KPNA5: variants seen among roughly 807,000 people sequenced by gnomAD.
KPNA5 encodes importin subunit alpha-6.
In KPNA5, 46 loss-of-function variants were observed where a neutral mutation model predicts 71.3. The ratio of observed to expected loss-of-function variants is 0.65; its 90% CI spans 0.51 to 0.83. KPNA5 has a LOEUF of 0.83. Among genes scored for constraint, KPNA5 ranks in the 40% least tolerant of loss-of-function variants. The pLI, the probability that KPNA5 is intolerant of heterozygous loss-of-function variation, is 0.00. For synonymous variants in KPNA5, 207 were observed against 201.4 expected (o/e 1.03, Z -0.24); for missense variants, 547 against 628.3 (o/e 0.87, Z 1.38).
chr6:116,683,370 G>C (rs747009735), intron 1 of KPNA5, among the ~76,000 whole-genome samples: 3 of 152,096 alleles, frequency 2.0e-5, no homozygotes, highest in Non-Finnish European at 4.4e-5. Context: ...AATACTTTAA[G>C]AGTTTTATTT....
At chr6:116,699,601 T>G (rs547203673) in intron 5 of KPNA5, among the ~76,000 whole-genome samples, 13 of 152,302 alleles carry the variant, frequency 8.5e-5, no homozygotes, top group Non-Finnish European at 1.6e-4. Flanking sequence ...AGGAATGTAT[T>G]GCATGTGTGA....
At chr6:116,710,791 A>G (rs1778631603) in intron 7 of KPNA5, among the ~76,000 whole-genome samples, 1 of 148,312 alleles carries the variant, frequency 6.7e-6, no homozygotes, top group South Asian at 2.1e-4. Context: ...GCTTTTGATG[A>G]TAATATTCTC....
intron 7 of KPNA5, among the ~76,000 whole-genome samples, chr6:116,708,233 A>G (rs1266735914): frequency 6.6e-6 from 1 of 152,206 alleles, no homozygotes; most frequent in Non-Finnish European, 1.5e-5. Context: ...GTTTTGTCTC[A>G]GTACTGGTTT....
rs776342305 is a variant in KPNA5 at position 116,689,398 on chromosome 6, G to A, written c.83G>A (p.Arg28His). 13 of 1,609,208 alleles carry A rather than the reference G, an allele frequency of 8.1e-6. No homozygotes were observed. The highest frequency in any genetic ancestry group is 3.4e-5 in the Admixed American group (2 of 59,110). The change falls in exon 2 of 14, where the codon CGT becomes CAT. Residue 28 changes from arginine to histidine, a missense_variant. Coordinates refer to ENST00000368564, the MANE Select transcript of KPNA5 (RefSeq NM_001366306.2). The part of the protein sequence containing the change: ...KNKALNPQEM[R>H]RRREEEGIQL... ...AAAGCCCTAAATCCTCAAGAGATGCGTAGACGAAGAGAAGAAGAAGGAATA... is the reference window on the plus strand; with the variant it reads ...AAAGCCCTAAATCCTCAAGAGATGCATAGACGAAGAGAAGAAGAAGGAATA...
chr6:116,689,397 C>T lies in KPNA5; in HGVS notation c.82C>T (p.Arg28Cys), dbSNP rs377032370. 13 of 1,607,834 alleles carry T rather than the reference C, an allele frequency of 8.1e-6. No individual in the cohort carries two copies. The highest frequency in any genetic ancestry group is 2.7e-5 in the African/African-American group (2 of 74,444). Reference sequence around the variant, plus strand: ...TAAAGCCCTAAATCCTCAAGAGATGCGTAGACGAAGAGAAGAAGAAGGAAT... The same window carrying T: ...TAAAGCCCTAAATCCTCAAGAGATGTGTAGACGAAGAGAAGAAGAAGGAAT... ...KNKALNPQEM[R>C]RRREEEGIQL... The change falls in exon 2 of 14, where the codon CGT becomes TGT. Residue 28 changes from arginine to cysteine, a missense_variant. Transcript: ENST00000368564.
chr6:116,682,658 A>G (rs944714827), intron 1 of KPNA5, among the ~76,000 whole-genome samples: 12 of 152,262 alleles, frequency 7.9e-5, no homozygotes, highest in Non-Finnish European at 1.0e-4. Context: ...AAAGAAAATC[A>G]TAAGTTCAGA....
intron 12 of KPNA5, among the ~76,000 whole-genome samples, chr6:116,729,292 G>A (rs1779400054): frequency 6.6e-6 from 1 of 150,736 alleles, no homozygotes; most frequent in African/African-American, 2.4e-5. Context: ...ACAGGCCGAA[G>A]TACCAGTTTG....
At chr6:116,685,475 C>T (rs1452403198) in intron 1 of KPNA5, among the ~76,000 whole-genome samples, 2 of 152,128 alleles carry the variant, frequency 1.3e-5, no homozygotes, top group South Asian at 4.1e-4. Flanking sequence ...GTCTGTTGTT[C>T]CCTTCTTTGT....
chr6:116,731,902 T>C (rs2114509956), intron 13 of KPNA5, among the ~76,000 whole-genome samples: 1 of 151,706 alleles, frequency 6.6e-6, no homozygotes, highest in Non-Finnish European at 1.5e-5. Flanking sequence ...CCTATGGTCC[T>C]TCTTCGTATG....
chr6:116,725,864 A>G lies in KPNA5; in HGVS notation c.1113A>G (p.Arg371=). 1 of 1,613,048 alleles carries G rather than the reference A, an allele frequency of 6.2e-7. No individual in the cohort carries two copies. Among genetic ancestry groups the G allele is most frequent in the Non-Finnish European group, 8.5e-7 (1 of 1,179,440 alleles). ...WTVSNITAGN[R]AQIQAVIDAN... ...TTTCTAACATCACTGCTGGAAATAG[A>G]GCTCAGATTCAGGTAACTACCCTTC... The change falls in exon 11 of 14, where the codon AGA becomes AGG. Residue 371 remains arginine, a synonymous_variant. Transcript: ENST00000368564.
At chr6:116,689,807 A>C (rs950699441) in intron 2 of KPNA5, among the ~76,000 whole-genome samples, 1 of 152,202 alleles carries the variant, frequency 6.6e-6, no homozygotes, top group African/African-American at 2.4e-5. Flanking sequence ...TAGTTTTCAT[A>C]ATTCTTGCCC....
At chr6:116,681,584 G>T in intron 1 of KPNA5, 1 of 1,218,580 alleles carries the variant, frequency 8.2e-7, no homozygotes, top group Non-Finnish European at 1.0e-6. Flanking sequence ...AGGTCCTCTG[G>T]AGTGATGGGC....
rs1406055112 is a variant in KPNA5 at position 116,738,026 on chromosome 6, A to G, written c.*5703A>G. On this transcript the variant is annotated 3_prime_UTR_variant, in exon 14 of 14. Transcript: ENST00000368564. ...TGAAGTACCATTTCAGCTGCATTCC[A>G]CAAGTTATTCAGCTCTAAGTATTTT... is the stretch of plus-strand genomic sequence containing the variant. 1 of 152,000 alleles carries G rather than the reference A, an allele frequency of 6.6e-6. No individual in the cohort carries two copies. The highest frequency in any genetic ancestry group is 2.4e-5 in the African/African-American group (1 of 41,416). 9.4% of individuals were successfully genotyped at this position (152,000 alleles called of 1,614,324 possible).
At chr6:116,712,502 G>A (rs1244416284) in intron 7 of KPNA5, among the ~76,000 whole-genome samples, 2 of 152,118 alleles carry the variant, frequency 1.3e-5, no homozygotes, top group Non-Finnish European at 2.9e-5. Context: ...AGACAGCATC[G>A]TAGACTTATG....
Position 116,722,106 on chromosome 6 carries a change from T to C in KPNA5, c.757-20T>C, listed in dbSNP as rs754320742. ...TTTAAATAGAGAAAAAATTTAAATA[T>C]GCTCTTTCTTCCCTTACAGGTTTCA... On this transcript the variant is annotated intron_variant, in intron 8 of 13. Coordinates refer to ENST00000368564, the MANE Select transcript of KPNA5 (RefSeq NM_001366306.2). 8 of 1,465,882 alleles carry C rather than the reference T, an allele frequency of 5.5e-6. No homozygotes were observed. In the African/African-American group the frequency reaches 5.7e-5, roughly 10 times the overall value. The allele number at this position is 1,465,882 out of a possible 1,614,324, so 90.8% of individuals were successfully genotyped here.
intron 12 of KPNA5, among the ~76,000 whole-genome samples, chr6:116,727,906 A>ATC (rs1485707781): frequency 6.6e-6 from 1 of 152,108 alleles, no homozygotes; most frequent in Admixed American, 6.6e-5. Context: ...ACTTCTTAGA[A>ATC]AATATTTTCT....
At chr6:116,722,347 C>A in intron 9 of KPNA5, 58 bp downstream of exon 9, 2 of 1,296,838 alleles carry the variant, frequency 1.5e-6, no homozygotes, top group South Asian at 1.6e-5. Context: ...ATTAGCAATT[C>A]AAGTAATAGC....
chr6:116,681,315 C>A lies in KPNA5; in HGVS notation c.-20C>A, dbSNP rs753745994. 12 of 1,609,434 alleles carry A rather than the reference C, an allele frequency of 7.5e-6. No homozygotes were observed. In the East Asian group the frequency reaches 2.7e-4, roughly 36 times the overall value. ...GCCGCTGGGGACTGGGAAATCAGGG[C>A]ATCGGAGAGTGCCACATTAATGGGT... is the stretch of plus-strand genomic sequence containing the variant. On this transcript the variant is annotated 5_prime_UTR_variant, in exon 1 of 14. Transcript: ENST00000368564.
chr6:116,698,667 T>G lies in KPNA5; in HGVS notation c.341-37T>G, dbSNP rs745784013. On this transcript the variant is annotated intron_variant, in intron 4 of 13. Coordinates refer to ENST00000368564, the MANE Select transcript of KPNA5 (RefSeq NM_001366306.2). The stretch of plus-strand genomic sequence containing the variant: ...CAGGGACTAGATTGTTTTCTTTTTG[T>G]GTCTTTGTAATAACTGAAGTCTTTT... 9.2e-5 allele frequency: 113 copies of G among 1,227,960 alleles called. No individual in the cohort carries two copies. The Admixed American group carries it at 2.1e-3, about 23-fold the overall frequency. The allele number at this position is 1,227,960 out of a possible 1,614,324, so 76.1% of individuals were successfully genotyped here.
Sources: gnomAD v4.1 joint callset for allele counts (sites outside exome capture counted in the v4.1 genomes callset) on GRCh38, gnomAD v4.1.1 for gene constraint, MANE v1.5 for transcripts, NCBI Gene and HGNC (gene_info 2026-07-23, HGNC 2026-07-21) for gene names.